Variants in SGCZ observed in about 807,000 individuals in gnomAD.
SGCZ encodes zeta-sarcoglycan.
Under a neutral mutation model 41.3 loss-of-function variants are expected in SGCZ, and 40 were observed. The ratio of observed to expected loss-of-function variants is 0.97; its 90% CI spans 0.75 to 1.26. The LOEUF (loss-of-function observed/expected upper bound fraction) is 1.26. SGCZ is among the 50% of genes most tolerant of loss of function. The probability of loss-of-function intolerance (pLI) is 0.00; values close to 1 mark genes in which losing one functional copy is unlikely to be tolerated. For missense variants in SGCZ, 552 were observed against 369.8 expected (o/e 1.49, Z -4.04); for synonymous variants, 206 against 137.5 (o/e 1.50, Z -3.49).
At chr8:14,962,994 T>C (rs1801010624) in intron 1 of SGCZ, among the ~76,000 whole-genome samples, 2 of 152,128 alleles carry the variant, frequency 1.3e-5, no homozygotes, top group African/African-American at 2.4e-5. Flanking sequence ...AAAACTGAAA[T>C]AGGAGGAGCA....
chr8:14,971,026 A>T (rs1291095210), intron 1 of SGCZ, among the ~76,000 whole-genome samples: 1 of 152,168 alleles, frequency 6.6e-6, no homozygotes, highest in Non-Finnish European at 1.5e-5. Context: ...TCTCTAGGAC[A>T]TATTTTTGAT....
intron 1 of SGCZ, among the ~76,000 whole-genome samples, chr8:14,814,997 A>AT (rs1423097265): frequency 1.3e-5 from 2 of 151,870 alleles, no homozygotes; most frequent in Non-Finnish European, 2.9e-5. Flanking sequence ...TTCTGCCTCC[A>AT]TTTTTTCTTG....
chr8:14,089,941 C>T lies in SGCZ; in HGVS notation c.*502G>A, dbSNP rs181419701. 2 of 152,402 alleles carry T rather than the reference C, an allele frequency of 1.3e-5. No individual in the cohort carries two copies. The highest frequency in any genetic ancestry group is 4.8e-5 in the African/African-American group (2 of 41,398). The allele number at this position is 152,402 out of a possible 1,614,324, so 9.4% of individuals were successfully genotyped here. A position where few individuals can be genotyped will look rare whatever the true frequency, so the allele number is the denominator to read the frequency against. ...GTATTGAATTTAAATTTTAGTAAAG[C>T]AAGCATTACATAATGCTTTAAAATT... On this transcript the variant is annotated 3_prime_UTR_variant, in exon 8 of 8. Transcript: ENST00000382080.
intron 1 of SGCZ, among the ~76,000 whole-genome samples, chr8:15,094,553 A>G (rs1806266797): frequency 1.3e-5 from 2 of 152,206 alleles, no homozygotes; most frequent in African/African-American, 4.8e-5. Context: ...CTATAGTACT[A>G]AAGTCCTGAG....
At chr8:14,768,928 T>C (rs541319797) in intron 1 of SGCZ, among the ~76,000 whole-genome samples, 1 of 152,138 alleles carries the variant, frequency 6.6e-6, no homozygotes, top group South Asian at 2.1e-4. Context: ...GAAATGGAAC[T>C]GGCAGCATTA....
chr8:14,763,758 T>C (rs1799957868), intron 1 of SGCZ, among the ~76,000 whole-genome samples: 1 of 152,190 alleles, frequency 6.6e-6, no homozygotes, highest in East Asian at 1.9e-4. Context: ...TACTTGTTAA[T>C]ATCATATAGC....
At chr8:14,609,995 C>T (rs1049581044) in intron 1 of SGCZ, among the ~76,000 whole-genome samples, 1 of 152,068 alleles carries the variant, frequency 6.6e-6, no homozygotes, top group Non-Finnish European at 1.5e-5. Flanking sequence ...TGTTACAAGT[C>T]TGTTCACGAG....
At chr8:14,377,862 T>A (rs797005246) in intron 2 of SGCZ, among the ~76,000 whole-genome samples, 4 of 151,770 alleles carry the variant, frequency 2.6e-5, no homozygotes, top group Non-Finnish European at 5.9e-5. Flanking sequence ...CATGAACTCA[T>A]CATTTTTTAT....
intron 4 of SGCZ, among the ~76,000 whole-genome samples, chr8:14,231,160 A>AGTGTGTGTGTCTGT (rs1806552679): frequency 8.9e-6 from 1 of 112,036 alleles, no homozygotes; most frequent in African/African-American, 3.6e-5. Context: ...TCTTTGGGCA[A>AGTGTGTGTGTCTGT]GTGTGTGTGT....
chr8:14,989,306 C>T (rs1438415158), intron 1 of SGCZ, among the ~76,000 whole-genome samples: 1 of 152,006 alleles, frequency 6.6e-6, no homozygotes, highest in Non-Finnish European at 1.5e-5. Flanking sequence ...TCTGTACTCC[C>T]CAACAACGTA....
chr8:14,761,698 G>C (rs1204652458), intron 1 of SGCZ, among the ~76,000 whole-genome samples: 1 of 151,702 alleles, frequency 6.6e-6, no homozygotes, highest in African/African-American at 2.4e-5. Context: ...GCTAATTTTT[G>C]TATTTTTAGT....
intron 2 of SGCZ, among the ~76,000 whole-genome samples, chr8:14,409,183 C>T (rs73664354): frequency 0.13 from 20,388 of 151,934 alleles, 2,998 homozygotes; most frequent in African/African-American, 0.36. Flanking sequence ...ATATAACCAA[C>T]ACGTTATTTA....
intron 1 of SGCZ, among the ~76,000 whole-genome samples, chr8:14,880,410 G>A (rs893161765): frequency 2.0e-5 from 3 of 152,178 alleles, no homozygotes; most frequent in Non-Finnish European, 4.4e-5. Context: ...TCTCAGTGAT[G>A]TAGAACTAGA....
At chr8:14,504,209 A>T (rs899506719) in intron 2 of SGCZ, among the ~76,000 whole-genome samples, 1 of 152,200 alleles carries the variant, frequency 6.6e-6, no homozygotes, top group Non-Finnish European at 1.5e-5. Context: ...TTGCCTTTAA[A>T]TGTCATCTTC....
At chr8:14,271,436 C>T (rs1432786819) in intron 3 of SGCZ, among the ~76,000 whole-genome samples, 2 of 152,154 alleles carry the variant, frequency 1.3e-5, no homozygotes, top group East Asian at 3.9e-4. Flanking sequence ...TAGTTTCATA[C>T]CCAGCAATAT....
At chr8:14,422,653 G>A (rs914440949) in intron 2 of SGCZ, among the ~76,000 whole-genome samples, 3 of 152,182 alleles carry the variant, frequency 2.0e-5, no homozygotes, top group African/African-American at 7.2e-5. Flanking sequence ...TACTGGATTT[G>A]CTGAACAAAG....
At chr8:14,423,350 C>T (rs1563319520) in intron 2 of SGCZ, among the ~76,000 whole-genome samples, 1 of 151,950 alleles carries the variant, frequency 6.6e-6, no homozygotes, top group African/African-American at 2.4e-5. Context: ...CTGTATCCTA[C>T]TTAATTTTTT....
chr8:15,030,766 T>A (rs1037221281), intron 1 of SGCZ, among the ~76,000 whole-genome samples: 1 of 151,852 alleles, frequency 6.6e-6, no homozygotes, highest in East Asian at 1.9e-4. Flanking sequence ...ACGGCGGAGG[T>A]AACCCACAAA....
intron 4 of SGCZ, among the ~76,000 whole-genome samples, chr8:14,183,366 C>G (rs1046015373): frequency 5.3e-5 from 8 of 151,842 alleles, no homozygotes; most frequent in African/African-American, 1.9e-4. Context: ...TTCTTGAGAA[C>G]AGAATAAAAA....
Sources: gnomAD v4.1 joint callset for allele counts (sites outside exome capture counted in the v4.1 genomes callset) on GRCh38, gnomAD v4.1.1 for gene constraint, MANE v1.5 for transcripts, NCBI Gene and HGNC (gene_info 2026-07-23, HGNC 2026-07-21) for gene names.